The following SPIRE1 variants were observed in gnomAD, a reference collection of about 807,000 sequenced individuals.
SPIRE1 encodes the protein protein spire homolog 1.
A neutral mutation model predicts 94.1 loss-of-function variants in SPIRE1; 40 were observed. The ratio of observed to expected loss-of-function variants is 0.43; its 90% confidence interval spans 0.33 to 0.55. The LOEUF (loss-of-function observed/expected upper bound fraction) is 0.55. Among genes scored for constraint, SPIRE1 ranks in the 20% least tolerant of loss-of-function variants. The pLI is 0.06. For synonymous variants in SPIRE1, 376 were observed against 371.7 expected, an observed-to-expected ratio of 1.01 and a Z score of -0.13; for missense variants, 838 against 975.2, an observed-to-expected ratio of 0.86 and a Z score of 1.87.
At chr18:12,619,763 T>C (rs542755676) in intron 2 of SPIRE1, among the ~76,000 whole-genome samples, 1 of 148,464 alleles carries the variant, frequency 6.7e-6, no homozygotes, top group African/African-American at 2.5e-5. Flanking sequence ...GGAGAATCTC[T>C]TGAACCCGGG....
At chr18:12,519,333 T>C (rs935334925) in intron 4 of SPIRE1, among the ~76,000 whole-genome samples, 2 of 152,028 alleles carry the variant, frequency 1.3e-5, no homozygotes, top group African/African-American at 4.8e-5. Flanking sequence ...TTTGTACCTA[T>C]ACACACATGT....
At chr18:12,534,680 T>A (rs185619828) in intron 4 of SPIRE1, among the ~76,000 whole-genome samples, 3 of 152,284 alleles carry the variant, frequency 2.0e-5, no homozygotes, top group Non-Finnish European at 4.4e-5. Context: ...GCTGCTGGAA[T>A]AACAGGGTCT....
intron 4 of SPIRE1, among the ~76,000 whole-genome samples, chr18:12,513,286 TATTA>T (rs2034094584): frequency 6.6e-6 from 1 of 152,164 alleles, no homozygotes; most frequent in Non-Finnish European, 1.5e-5. Context: ...TATATTCACA[TATTA>T]ATTCTAAATT....
chr18:12,626,886 A>ATATATATATATATATATATT (rs55915333), intron 2 of SPIRE1, among the ~76,000 whole-genome samples: 129 of 111,864 alleles, frequency 1.2e-3, no homozygotes, highest in Non-Finnish European at 1.7e-3. Flanking sequence ...ATATATATAT[A>ATATATATATATATATATATT]TTTTTTTTTT....
chr18:12,529,016 C>T (rs564341690), intron 4 of SPIRE1, among the ~76,000 whole-genome samples: 3 of 152,240 alleles, frequency 2.0e-5, no homozygotes, highest in Non-Finnish European at 1.5e-5. Context: ...AAGAGACCAA[C>T]AAAACAACTA....
At chr18:12,644,970 T>C (rs2038183782) in intron 1 of SPIRE1, among the ~76,000 whole-genome samples, 1 of 152,090 alleles carries the variant, frequency 6.6e-6, no homozygotes, top group Admixed American at 6.6e-5. Flanking sequence ...CCGGGCACCA[T>C]GGCTCACACA....
At chr18:12,577,174 G>C (rs1472039885) in intron 2 of SPIRE1, among the ~76,000 whole-genome samples, 1 of 152,132 alleles carries the variant, frequency 6.6e-6, no homozygotes, top group African/African-American at 2.4e-5. Context: ...TTGAGACGGA[G>C]TCTAGCTCTG....
chr18:12,529,599 T>A (rs187327717), intron 4 of SPIRE1, among the ~76,000 whole-genome samples: 35 of 152,216 alleles, frequency 2.3e-4, no homozygotes, highest in African/African-American at 8.4e-4. Context: ...TAATCAGAAA[T>A]GACAACCCAC....
At chr18:12,597,568 G>A (rs1210193126) in intron 2 of SPIRE1, among the ~76,000 whole-genome samples, 3 of 152,078 alleles carry the variant, frequency 2.0e-5, no homozygotes, top group Non-Finnish European at 4.4e-5. Flanking sequence ...TCATCTCAGC[G>A]CCCCAGAATA....
chr18:12,515,628 T>A (rs1287240075), intron 4 of SPIRE1, among the ~76,000 whole-genome samples: 1 of 152,220 alleles, frequency 6.6e-6, no homozygotes, highest in African/African-American at 2.4e-5. Flanking sequence ...AACAACGTCC[T>A]CTTCCACTAG....
intron 2 of SPIRE1, among the ~76,000 whole-genome samples, chr18:12,627,643 T>C (rs2037670576): frequency 6.6e-6 from 1 of 152,170 alleles, no homozygotes; most frequent in Admixed American, 6.5e-5. Context: ...CTGTCTTCCA[T>C]AATGGTTGAA....
chr18:12,624,372 G>A lies in SPIRE1; in HGVS notation c.372+10690C>T, dbSNP rs558723299. ...AACCTGACCAATATGGTGAAACCCC[G>A]TCTCTACTGAAATTACAAAAATTAG... On this transcript the variant is annotated intron_variant, in intron 2 of 16. Transcript: ENST00000409402. 5.3e-5 allele frequency among the ~76,000 whole-genome samples: 8 copies of A among 151,152 alleles called. No homozygotes were observed. In the South Asian group the frequency reaches 8.4e-4, roughly 16 times the overall value.
intron 1 of SPIRE1, among the ~76,000 whole-genome samples, chr18:12,648,200 C>T (rs12966246): frequency 0.46 from 69,313 of 151,980 alleles, 16,377 homozygotes; most frequent in Middle Eastern, 0.55. Context: ...TGGCCCTATC[C>T]TTGAACGCAG....
At chr18:12,528,800 C>T (rs1021196154) in intron 4 of SPIRE1, among the ~76,000 whole-genome samples, 1 of 152,196 alleles carries the variant, frequency 6.6e-6, no homozygotes. Flanking sequence ...TTGGAGATAA[C>T]TGAAGAGCAT....
At position 12,546,796 on chromosome 18, in the gene SPIRE1, C is replaced by T. The variant is rs770981432; in HGVS notation, c.481G>A (p.Ala161Thr). Reference protein sequence around the residue: ...PPLEQLIDHMANTVEADGSND... With the variant: ...PPLEQLIDHMTNTVEADGSND... ...CTACCGTCAGCTTCCACCGTGTTGG[C>T]CATGTGATCGATAAGCTGCTCTAGG... The change falls in exon 3 of 17, where the codon GCC becomes ACC. Residue 161 changes from alanine (A) to threonine (T), a missense_variant. Transcript: ENST00000409402. 4 of 1,613,950 alleles carry T rather than the reference C, an allele frequency of 2.5e-6. No individual in the cohort carries two copies. Among genetic ancestry groups the T allele is most frequent in the African/African-American group, 2.7e-5 (2 of 74,884 alleles).
chr18:12,576,474 T>C (rs1020485002), intron 2 of SPIRE1, among the ~76,000 whole-genome samples: 3 of 146,328 alleles, frequency 2.1e-5, no homozygotes, highest in African/African-American at 5.1e-5. Flanking sequence ...CCCAGCACTT[T>C]GGGAGGCTGA....
chr18:12,567,864 A>G (rs1007406241), intron 2 of SPIRE1, among the ~76,000 whole-genome samples: 1 of 152,232 alleles, frequency 6.6e-6, no homozygotes, highest in Admixed American at 6.5e-5. Context: ...AAATCAAGTA[A>G]GAATTTACTA....
At chr18:12,635,982 G>C (rs886336601) in intron 1 of SPIRE1, among the ~76,000 whole-genome samples, 1 of 151,198 alleles carries the variant, frequency 6.6e-6, no homozygotes, top group Admixed American at 6.6e-5. Context: ...ACCCACTCCC[G>C]GGTCCAAGTA....
rs1555620793 is a variant in SPIRE1, at chr18:12,533,968, C to CA, written c.729+1507dup. Among the ~76,000 whole-genome samples, 340 of 145,908 alleles carry CA rather than the reference C, an allele frequency of 2.3e-3. 4 individuals carry two copies. The highest frequency in any genetic ancestry group is 5.3e-4 in the Non-Finnish European group (35 of 65,536). On this transcript the variant is annotated intron_variant, in intron 4 of 16. Coordinates refer to ENST00000409402, the MANE Select transcript of SPIRE1 (RefSeq NM_001128626.2). ...ACACACACACACACACACACACACA[C>CA]AACTTATTTATTCTTCACAGAGGGT...
Sources: allele counts gnomAD v4.1 joint callset (sites outside exome capture counted in the v4.1 genomes callset), GRCh38; gene constraint gnomAD v4.1.1; transcripts MANE v1.5; gene names NCBI Gene and HGNC (gene_info 2026-07-23, HGNC 2026-07-21).